Variants in IFTAP observed in about 807,000 individuals in gnomAD.
IFTAP encodes intraflagellar transport associated protein, also known as intraflagellar transport-associated protein.
IFTAP carries 19 observed loss-of-function variants against 19.4 expected under a neutral mutation model. That is an observed-to-expected ratio of 0.98 (90% CI 0.68 to 1.44). The LOEUF (loss-of-function observed/expected upper bound fraction) is 1.44, where lower values mean the gene tolerates loss of function less well. IFTAP is among the 40% of genes most tolerant of loss of function. The pLI, the probability that IFTAP is intolerant of heterozygous loss-of-function variation, is 0.00. For missense variants in IFTAP, 240 were observed against 253.6 expected (o/e 0.95, Z 0.36); for synonymous variants, 85 against 83.5 (o/e 1.02, Z -0.10).
intron 5 of IFTAP, among the ~76,000 whole-genome samples, chr11:36,651,556 A>G (rs983015615): frequency 1.3e-5 from 2 of 152,154 alleles, no homozygotes; most frequent in African/African-American, 4.8e-5. Flanking sequence ...CTTTAGTTTA[A>G]TTAGATCCCA....
At chr11:36,595,189 C>T (rs1291941552) in intron 1 of IFTAP, 1 of 152,242 alleles carries the variant, frequency 6.6e-6, no homozygotes, top group East Asian at 1.9e-4. Context: ...TTCTTTTCAT[C>T]TTCATTCTAG....
chr11:36,646,465 C>T (rs1333850951), intron 4 of IFTAP, among the ~76,000 whole-genome samples: 3 of 152,084 alleles, frequency 2.0e-5, no homozygotes, highest in Non-Finnish European at 4.4e-5. Flanking sequence ...TTCCCACCAA[C>T]CTCATTGAAT....
intron 2 of IFTAP, among the ~76,000 whole-genome samples, chr11:36,631,019 C>T (rs16929227): frequency 0.12 from 17,702 of 151,236 alleles, 1,663 homozygotes; most frequent in African/African-American, 0.19. Flanking sequence ...TCTCTGTGGC[C>T]GTAAAAGTGG....
chr11:36,595,717 C>T (rs752378959), intron 1 of IFTAP, among the ~76,000 whole-genome samples: 45 of 152,312 alleles, frequency 3.0e-4, no homozygotes, highest in Non-Finnish European at 3.1e-4. Flanking sequence ...GTTGAATATA[C>T]GTAAAGTACT....
At chr11:36,656,059 CA>C (rs1853970889) in intron 5 of IFTAP, among the ~76,000 whole-genome samples, 1 of 152,074 alleles carries the variant, frequency 6.6e-6, no homozygotes, top group Admixed American at 6.6e-5. Flanking sequence ...ATTATAGCCA[CA>C]AGGTAGTTTG....
At chr11:36,595,150 G>A (rs1275095580) in intron 1 of IFTAP, 1 of 152,124 alleles carries the variant, frequency 6.6e-6, no homozygotes, top group Non-Finnish European at 1.5e-5. Flanking sequence ...GGTTCTTTTA[G>A]GGAAGCAGAG....
chr11:36,607,593 AT>A (rs112871943), intron 1 of IFTAP, among the ~76,000 whole-genome samples: 6,422 of 148,516 alleles, frequency 0.043, 444 homozygotes, highest in African/African-American at 0.15. Flanking sequence ...TATCTTATGA[AT>A]TTTTTTTTTT....
chr11:36,657,850 A>G (rs1854063255), intron 5 of IFTAP, among the ~76,000 whole-genome samples: 1 of 152,192 alleles, frequency 6.6e-6, no homozygotes, highest in Non-Finnish European at 1.5e-5. Flanking sequence ...TTGTCAGGAA[A>G]GCACTAAGGT....
chr11:36,603,841 G>C (rs1350994517), intron 1 of IFTAP, among the ~76,000 whole-genome samples: 2 of 151,290 alleles, frequency 1.3e-5, no homozygotes, highest in Non-Finnish European at 2.9e-5. Flanking sequence ...AGAATCACTT[G>C]AACCCAGGAA....
chr11:36,631,612 C>CT (rs1470346698), intron 2 of IFTAP, among the ~76,000 whole-genome samples: 2 of 151,136 alleles, frequency 1.3e-5, no homozygotes, highest in African/African-American at 2.5e-5. Context: ...GGGCACTGTG[C>CT]TGGGTTAGGC....
intron 4 of IFTAP, among the ~76,000 whole-genome samples, chr11:36,640,787 C>T (rs1042914878): frequency 5.9e-5 from 9 of 152,080 alleles, no homozygotes; most frequent in Non-Finnish European, 1.5e-5. Context: ...GATTTTTATA[C>T]TGTATAATGA....
intron 2 of IFTAP, among the ~76,000 whole-genome samples, chr11:36,621,879 A>G (rs555340781): frequency 6.6e-6 from 1 of 152,170 alleles, no homozygotes; most frequent in South Asian, 2.1e-4. Context: ...TATAGATTGT[A>G]TAGTTAGAGG....
intron 1 of IFTAP, among the ~76,000 whole-genome samples, chr11:36,605,603 A>G (rs1304940799): frequency 6.6e-6 from 1 of 152,142 alleles, no homozygotes; most frequent in Non-Finnish European, 1.5e-5. Flanking sequence ...AGGTTATATG[A>G]TTTTTCTATC....
rs1243664769 is a variant in IFTAP at position 36,596,211 on chromosome 11, G to GTTTTTTTTTTTTTTTT, written c.-24+1629_-24+1630insTTTTTTTTTTTTTTTT. Among the ~76,000 whole-genome samples, 6 of 101,154 alleles carry GTTTTTTTTTTTTTTTT rather than the reference G, an allele frequency of 5.9e-5. 2 individuals are homozygous for GTTTTTTTTTTTTTTTT. Among genetic ancestry groups the GTTTTTTTTTTTTTTTT allele is most frequent in the African/African-American group, 2.5e-4 (6 of 24,282 alleles). 66.4% of individuals were successfully genotyped at this position (101,154 alleles called of 152,430 possible). ...CTGGTCACTCTAATGAGATGGTAGT[G>GTTTTTTTTTTTTTTTT]TTTTTTTTTTGTTTTTTTTTTTTTT... On this transcript the variant is annotated intron_variant, in intron 1 of 5. Coordinates refer to ENST00000334307, the MANE Select transcript of IFTAP (RefSeq NM_138787.4).
intron 3 of IFTAP, 38 bp downstream of exon 3, chr11:36,633,476 G>C: frequency 7.2e-7 from 1 of 1,393,942 alleles, no homozygotes; most frequent in Admixed American, 2.8e-5. Flanking sequence ...AACAATCTCA[G>C]AAGAAAAGAA....
chr11:36,613,938 T>A (rs1851969174), intron 2 of IFTAP, among the ~76,000 whole-genome samples: 1 of 151,982 alleles, frequency 6.6e-6, no homozygotes, highest in African/African-American at 2.4e-5. Context: ...TTAATTATAC[T>A]TTAAGTTTTA....
intron 5 of IFTAP, among the ~76,000 whole-genome samples, chr11:36,649,409 A>G (rs1054804429): frequency 6.6e-6 from 1 of 152,118 alleles, no homozygotes; most frequent in Non-Finnish European, 1.5e-5. Context: ...TAAAATTATA[A>G]GACTATTTCT....
chr11:36,596,399 T>C (rs1466813383), intron 1 of IFTAP, among the ~76,000 whole-genome samples: 1 of 152,162 alleles, frequency 6.6e-6, no homozygotes, highest in African/African-American at 2.4e-5. Flanking sequence ...GAAGGATTAT[T>C]ATCAAAGTTA....
intron 4 of IFTAP, 76 bp downstream of exon 4, chr11:36,636,193 T>C: frequency 1.7e-6 from 2 of 1,174,728 alleles, no homozygotes; most frequent in Non-Finnish European, 2.5e-6. Context: ...ACAGCTTTCC[T>C]GTTTTTGGCA....
Sources: allele counts gnomAD v4.1 joint callset (sites outside exome capture counted in the v4.1 genomes callset), GRCh38; gene constraint gnomAD v4.1.1; transcripts MANE v1.5; gene names NCBI Gene and HGNC (gene_info 2026-07-23, HGNC 2026-07-21).